FUT8: variants seen among roughly 807,000 people sequenced by gnomAD.
FUT8 encodes fucosyltransferase 8, also known as alpha-(1,6)-fucosyltransferase.
A neutral mutation model predicts 71.3 loss-of-function variants in FUT8; 29 were observed. The observed-to-expected ratio is 0.41, with a 90% confidence interval of 0.30 to 0.55. The LOEUF (loss-of-function observed/expected upper bound fraction) is 0.55, where lower values mean the gene tolerates loss of function less well. Ranked by LOEUF, FUT8 falls within the 20% of genes least tolerant of loss-of-function variation. FUT8 has a pLI of 0.34. For missense variants in FUT8, 544 were observed against 702.1 expected (o/e 0.77, Z 2.55); for synonymous variants, 254 against 239.3 (o/e 1.06, Z -0.57).
At chr14:65,710,506 TTTC>T (rs1458199752) in intron 7 of FUT8, among the ~76,000 whole-genome samples, 2 of 152,236 alleles carry the variant, frequency 1.3e-5, no homozygotes, top group African/African-American at 4.8e-5. Context: ...CTATGCCAAT[TTTC>T]TTCTATAAGT....
intron 3 of FUT8, among the ~76,000 whole-genome samples, chr14:65,566,826 C>T (rs1458605071): frequency 6.6e-6 from 1 of 151,948 alleles, no homozygotes; most frequent in African/African-American, 2.4e-5. Context: ...ATCACTTTCT[C>T]AGTCCTTTTA....
At chr14:65,458,188 A>AAC (rs2139571319) in intron 2 of FUT8, 1 of 150,376 alleles carries the variant, frequency 6.6e-6, no homozygotes, top group African/African-American at 2.4e-5. Context: ...TCTCAAAAAA[A>AAC]AAAAAAACAA....
upstream of FUT8, chr14:65,412,106 C>G (rs1219355508): frequency 4.4e-6 from 2 of 456,358 alleles, no homozygotes; most frequent in Non-Finnish European, 4.4e-6. Flanking sequence ...CGGGAGAGGC[C>G]GGGCATCGAA....
the FUT8 span, among the ~76,000 whole-genome samples, chr14:65,374,426 C>T: frequency 2.0e-5 from 3 of 152,204 alleles, no homozygotes; most frequent in African/African-American, 4.8e-5. Context: ...TATACCTCCA[C>T]TTCCCCTGCC....
At chr14:65,735,667 A>C (rs1001933158) in intron 10 of FUT8, among the ~76,000 whole-genome samples, 1 of 152,054 alleles carries the variant, frequency 6.6e-6, no homozygotes, top group Admixed American at 6.6e-5. Context: ...ACATTTATAT[A>C]GTGAGTAGCA....
At chr14:65,535,434 A>G (rs901958788) in intron 2 of FUT8, among the ~76,000 whole-genome samples, 4 of 152,276 alleles carry the variant, frequency 2.6e-5, no homozygotes, top group Admixed American at 1.3e-4. Flanking sequence ...GTTTAGTGCT[A>G]TACATTTCTC....
chr14:65,422,624 G>A (rs142257696), intron 1 of FUT8, among the ~76,000 whole-genome samples: 3 of 151,286 alleles, frequency 2.0e-5, no homozygotes, highest in East Asian at 2.0e-4. Flanking sequence ...TCAGCCTCCC[G>A]AATAGCTGGG....
chr14:65,401,494 G>A, the FUT8 span, among the ~76,000 whole-genome samples: 409 of 152,334 alleles, frequency 2.7e-3, 4 homozygotes, highest in African/African-American at 9.2e-3. Flanking sequence ...TCTGGAGAAT[G>A]TGTAATAGGA....
chr14:65,455,653 C>G lies in FUT8; in HGVS notation c.-293C>G. On this transcript the variant is annotated 5_prime_UTR_variant, in exon 2 of 11. Transcript: ENST00000673929. ...CTTTTGCTCAGAGGACATCCATGAC[C>G]CTAATGGTCTTTTTGTTCAAGATAA... The G allele has an allele frequency of 2.5e-6, 1 of 398,120 alleles. No individual in the cohort carries two copies. The highest frequency in any genetic ancestry group is 4.4e-6 in the Non-Finnish European group (1 of 225,910). 24.7% of individuals were successfully genotyped at this position (398,120 alleles called of 1,614,324 possible).
the FUT8 span, among the ~76,000 whole-genome samples, chr14:65,376,716 G>C: frequency 6.6e-6 from 1 of 152,098 alleles, no homozygotes; most frequent in African/African-American, 2.4e-5. Context: ...CCTGCTCACA[G>C]TTATTAAAAG....
At chr14:65,685,053 A>AT (rs1893214471) in intron 7 of FUT8, among the ~76,000 whole-genome samples, 2 of 152,194 alleles carry the variant, frequency 1.3e-5, no homozygotes, top group Admixed American at 1.3e-4. Flanking sequence ...GAATTTGTGG[A>AT]TTTTTAAAGG....
chr14:65,569,511 G>A (rs1204481960), intron 3 of FUT8, among the ~76,000 whole-genome samples: 2 of 151,530 alleles, frequency 1.3e-5, no homozygotes. Context: ...CACACAGTTA[G>A]TAATTTTTTA....
chr14:65,558,696 G>C (rs528234619), intron 2 of FUT8, among the ~76,000 whole-genome samples: 3 of 152,160 alleles, frequency 2.0e-5, no homozygotes, highest in Non-Finnish European at 4.4e-5. Flanking sequence ...GTAGTTAGTA[G>C]ATAGGGAAAA....
chr14:65,443,277 G>A (rs2065688791), intron 1 of FUT8, among the ~76,000 whole-genome samples: 1 of 152,074 alleles, frequency 6.6e-6, no homozygotes. Context: ...GGGCATGGTG[G>A]TGCTCACCTG....
intron 3 of FUT8, among the ~76,000 whole-genome samples, chr14:65,562,809 T>C (rs985316632): frequency 2.0e-5 from 3 of 152,008 alleles, no homozygotes; most frequent in Non-Finnish European, 4.4e-5. Context: ...TGGGGAAGAA[T>C]AGTGGGACAG....
chr14:65,518,063 A>G (rs1420617985), intron 2 of FUT8, among the ~76,000 whole-genome samples: 8 of 152,320 alleles, frequency 5.3e-5, no homozygotes, highest in African/African-American at 1.7e-4. Flanking sequence ...GAAAAGCAGA[A>G]TAAGTCTTTT....
rs1177844147 is a variant in FUT8, at chr14:65,643,912, C to A, written c.597+14306C>A. Among the ~76,000 whole-genome samples, 5 of 151,970 alleles carry A rather than the reference C, an allele frequency of 3.3e-5. No homozygotes were observed. Among genetic ancestry groups the A allele is most frequent in the Middle Eastern group, 3.2e-3 (1 of 316 alleles). On this transcript the variant is annotated intron_variant, in intron 6 of 10. Coordinates refer to ENST00000673929, the MANE Select transcript of FUT8 (RefSeq NM_001371533.1). The surrounding 1 kb of genome is among the most constrained non-coding windows in gnomAD (Gnocchi z 4.5). ...GTAATTTTCTCTTTCTAGAAATATG[C>A]CTCATTTTTTTCAAGAAATGGCAGG...
chr14:65,440,058 A>G (rs1452298443), intron 1 of FUT8, among the ~76,000 whole-genome samples: 4 of 148,728 alleles, frequency 2.7e-5, no homozygotes, highest in African/African-American at 9.8e-5. Flanking sequence ...TTATAAGAAC[A>G]TGGAAGAACT....
chr14:65,514,417 G>T (rs368180694), intron 2 of FUT8, among the ~76,000 whole-genome samples: 2 of 152,224 alleles, frequency 1.3e-5, no homozygotes, highest in East Asian at 3.9e-4. Flanking sequence ...GATTTCTGCC[G>T]AATACAAGAG....
Sources: allele counts gnomAD v4.1 joint callset (sites outside exome capture counted in the v4.1 genomes callset), GRCh38; gene constraint gnomAD v4.1.1; non-coding constraint Gnocchi (gnomAD v3.1); transcripts MANE v1.5; gene names NCBI Gene and HGNC (gene_info 2026-07-23, HGNC 2026-07-21).